DLG2: variants seen among roughly 807,000 people sequenced by gnomAD.
The protein encoded by DLG2 is disks large homolog 2.
In DLG2, 45 loss-of-function variants were observed where a neutral mutation model predicts 132.5. That is an observed-to-expected ratio of 0.34 (90% CI 0.27 to 0.44). The LOEUF (loss-of-function observed/expected upper bound fraction) is 0.44. DLG2 is among the 20% of genes least tolerant of loss of function. The pLI, the probability that DLG2 is intolerant of heterozygous loss-of-function variation, is 1.00. For synonymous variants in DLG2, 424 were observed against 419.6 expected, an observed-to-expected ratio of 1.01 and a Z score of -0.13; for missense variants, 1,045 against 1,196.9, an observed-to-expected ratio of 0.87 and a Z score of 1.87.
rs542264233 is a variant in DLG2 at position 84,526,139 on chromosome 11, G to A, written c.519+8431C>T. On this transcript the variant is annotated intron_variant, in intron 7 of 27. Transcript: ENST00000376104. Reference sequence around the variant, plus strand: ...AAGAAATAATTCTATGACAAAATATGTCTGGGAAATACTTTGTACTAATCA... The same window carrying A: ...AAGAAATAATTCTATGACAAAATATATCTGGGAAATACTTTGTACTAATCA... Among the ~76,000 whole-genome samples the A allele has an allele frequency of 4.0e-4, 61 of 152,164 alleles. 1 individual carries two copies. In the South Asian group the frequency reaches 0.012, roughly 29 times the overall value.
intron 7 of DLG2, among the ~76,000 whole-genome samples, chr11:84,367,008 T>C (rs980270063): frequency 5.3e-5 from 8 of 152,118 alleles, no homozygotes; most frequent in South Asian, 2.1e-4. Flanking sequence ...CAACAGAATA[T>C]ACATTTTTTT....
At chr11:83,510,758 G>A (rs76176971) in intron 21 of DLG2, among the ~76,000 whole-genome samples, 9 of 150,920 alleles carry the variant, frequency 6.0e-5, no homozygotes, top group Admixed American at 3.3e-4. Flanking sequence ...TGACAAGCAG[G>A]GCCAGTCAGA....
chr11:85,507,640 T>A (rs1416906987), intron 3 of DLG2, among the ~76,000 whole-genome samples: 1 of 152,162 alleles, frequency 6.6e-6, no homozygotes, highest in Non-Finnish European at 1.5e-5. Context: ...GCCCTTAACA[T>A]TTTTTCCTTC....
intron 3 of DLG2, among the ~76,000 whole-genome samples, chr11:85,460,098 G>A (rs919125325): frequency 6.6e-6 from 1 of 152,200 alleles, no homozygotes; most frequent in African/African-American, 2.4e-5. Flanking sequence ...CACAGACAGG[G>A]GGTGGCTGGA....
At position 84,208,355 on chromosome 11, in the gene DLG2, T is replaced by TG. The variant is rs1339308198; in HGVS notation, c.573+42882_573+42883insC. On this transcript the variant is annotated intron_variant, in intron 8 of 27. Transcript: ENST00000376104. Reference sequence around the variant, plus strand: ...CTCAGAATAAACTTTTTTTTTTTTTTTTTTTGGTGAGATGGACTCGCTCTG... The same window carrying TG: ...CTCAGAATAAACTTTTTTTTTTTTTTGTTTTTGGTGAGATGGACTCGCTCTG... 2.0e-5 allele frequency among the ~76,000 whole-genome samples: 3 copies of TG among 150,606 alleles called. No individual in the cohort carries two copies. The East Asian group carries it at 5.8e-4, about 29-fold the overall frequency.
In DLG2 at chr11:83,892,965, T is replaced by C. The variant is rs185595498; in HGVS notation, c.1497-18477A>G. Among the ~76,000 whole-genome samples the C allele has an allele frequency of 1.6e-3, 243 of 152,310 alleles. 1 individual carries two copies. Among genetic ancestry groups the C allele is most frequent in the African/African-American group, 5.6e-3 (234 of 41,576 alleles). On this transcript the variant is annotated intron_variant, in intron 15 of 27. Transcript: ENST00000376104. ...TATTTGGTCATTCCAGTTCATTCCCTCCCATGTCAGTTTGGCCTACAATCT... is the reference window on the plus strand; with the variant it reads ...TATTTGGTCATTCCAGTTCATTCCCCCCCATGTCAGTTTGGCCTACAATCT...
chr11:84,663,148 C>T (rs1043356162), intron 6 of DLG2, among the ~76,000 whole-genome samples: 77 of 152,020 alleles, frequency 5.1e-4, no homozygotes, highest in African/African-American at 1.8e-3. Flanking sequence ...ATTAACTATT[C>T]AACTTATTCT....
rs562758905 is a variant in DLG2, at chr11:83,469,348, G to A, written c.2472C>T (p.Tyr824=). The A allele has an allele frequency of 6.8e-6, 11 of 1,612,274 alleles. No individual in the cohort carries two copies. The highest frequency in any genetic ancestry group is 1.3e-5 in the African/African-American group (1 of 74,940). ...VPHTTRPKRD[Y]EVDGRDYHFV... Reference sequence around the variant, plus strand: ...AGTGATAGTCTCTGCCATCCACCTCGTAGTCTCGCTTTGGCCTCGTAGTAT... The same window carrying A: ...AGTGATAGTCTCTGCCATCCACCTCATAGTCTCGCTTTGGCCTCGTAGTAT... The change falls in exon 25 of 28, where the codon TAC becomes TAT. Residue 824 remains tyrosine, a synonymous_variant. Coordinates refer to ENST00000376104, the MANE Select transcript of DLG2 (RefSeq NM_001142699.3).
At chr11:83,940,707 C>T (rs974182476) in intron 14 of DLG2, among the ~76,000 whole-genome samples, 1 of 152,150 alleles carries the variant, frequency 6.6e-6, no homozygotes, top group African/African-American at 2.4e-5. Context: ...GAGAATAGGA[C>T]AGAGGAAACA....
In DLG2 at chr11:83,458,493, A is replaced by G. The variant is rs1478322900; in HGVS notation, c.*1325T>C. ...TGCACCCCCTCACCCCCAACCAGAC[A>G]CTTCTCTTCTCTCTCTTCCTCAAAG... On this transcript the variant is annotated 3_prime_UTR_variant, in exon 28 of 28. Coordinates refer to ENST00000376104, the MANE Select transcript of DLG2 (RefSeq NM_001142699.3). 6.5e-6 allele frequency: 1 copy of G among 153,084 alleles called. No individual in the cohort carries two copies. Among genetic ancestry groups the G allele is most frequent in the Non-Finnish European group, 1.5e-5 (1 of 68,414 alleles). The allele number at this position is 153,084 out of a possible 1,614,324, so 9.5% of individuals were successfully genotyped here. A position where few individuals can be genotyped will look rare whatever the true frequency, so the allele number is the denominator to read the frequency against.
intron 8 of DLG2, among the ~76,000 whole-genome samples, chr11:84,237,896 C>A (rs1373595991): frequency 6.6e-6 from 1 of 151,548 alleles, no homozygotes; most frequent in Non-Finnish European, 1.5e-5. Flanking sequence ...AAAAAATTAG[C>A]CGGGTGTGGT....
chr11:84,766,033 C>T (rs987249658), intron 6 of DLG2, among the ~76,000 whole-genome samples: 2 of 152,038 alleles, frequency 1.3e-5, no homozygotes, highest in Non-Finnish European at 2.9e-5. Flanking sequence ...ATAATACCTT[C>T]AGTTCGCTTA....
At chr11:83,697,020 A>G (rs183097458) in intron 18 of DLG2, among the ~76,000 whole-genome samples, 1 of 152,222 alleles carries the variant, frequency 6.6e-6, no homozygotes, top group Non-Finnish European at 1.5e-5. Flanking sequence ...ATTTTACTCT[A>G]AACAAAAATT....
rs976926916 is a variant in DLG2 at position 83,999,940 on chromosome 11, A to G, written c.920-19298T>C. Reference sequence around the variant, plus strand: ...TACCAGATCACACAGATATCAATGTAGTGACACTGGAAACATTAAAAAAAA... The same window carrying G: ...TACCAGATCACACAGATATCAATGTGGTGACACTGGAAACATTAAAAAAAA... On this transcript the variant is annotated intron_variant, in intron 11 of 27. Transcript: ENST00000376104. Among the ~76,000 whole-genome samples, 4 of 104,952 alleles carry G rather than the reference A, an allele frequency of 3.8e-5. No homozygotes were observed. In the Admixed American group the frequency reaches 4.5e-4, roughly 12 times the overall value. The allele number at this position is 104,952 out of a possible 152,430, so 68.9% of individuals were successfully genotyped here. A position where few individuals can be genotyped will look rare whatever the true frequency, so the allele number is the denominator to read the frequency against.
intron 3 of DLG2, among the ~76,000 whole-genome samples, chr11:85,474,434 A>C (rs2093077151): frequency 6.6e-6 from 1 of 152,124 alleles, no homozygotes; most frequent in African/African-American, 2.4e-5. Flanking sequence ...GTGAGCTTTT[A>C]AAATATATTT....
chr11:85,439,461 G>T (rs575227597), intron 3 of DLG2, among the ~76,000 whole-genome samples: 1 of 150,672 alleles, frequency 6.6e-6, no homozygotes, highest in African/African-American at 2.4e-5. Context: ...CCAGGTTCAC[G>T]CCATTCTCCT....
intron 6 of DLG2, among the ~76,000 whole-genome samples, chr11:84,789,057 C>T (rs1742627643): frequency 6.6e-6 from 1 of 152,168 alleles, no homozygotes; most frequent in South Asian, 2.1e-4. Flanking sequence ...CAAAGAGAGA[C>T]ATGCAAAAGA....
intron 3 of DLG2, among the ~76,000 whole-genome samples, chr11:85,481,080 C>T (rs1247994279): frequency 1.3e-5 from 2 of 152,220 alleles, no homozygotes; most frequent in African/African-American, 4.8e-5. Flanking sequence ...TCAGTTTTCT[C>T]ATTTGTAAAT....
At chr11:83,837,723 C>CA (rs386374350) in intron 16 of DLG2, among the ~76,000 whole-genome samples, 11,327 of 46,162 alleles carry the variant, frequency 0.25, 2,186 homozygotes, top group Admixed American at 0.34. Flanking sequence ...ACATAGCAAG[C>CA]AAAAAAAAAA....
Sources: gnomAD v4.1 joint callset for allele counts (sites outside exome capture counted in the v4.1 genomes callset) on GRCh38, gnomAD v4.1.1 for gene constraint, MANE v1.5 for transcripts, NCBI Gene and HGNC (gene_info 2026-07-23, HGNC 2026-07-21) for gene names.